Variants in PDCD6 observed in about 807,000 individuals in gnomAD.
PDCD6 encodes the protein programmed cell death protein 6.
Under a neutral mutation model 28.3 loss-of-function variants are expected in PDCD6, and 12 were observed. The observed-to-expected ratio is 0.42, with a 90% CI of 0.27 to 0.69. PDCD6 has a LOEUF of 0.69. Among genes scored for constraint, PDCD6 ranks in the 30% least tolerant of loss-of-function variants. PDCD6 has a pLI of 0.22. For missense variants in PDCD6, 226 were observed against 269.9 expected (o/e 0.84, Z 1.14); for synonymous variants, 92 against 108.0 (o/e 0.85, Z 0.92).
At chr5:277,534 C>T (rs1483791960) in intron 2 of PDCD6, among the ~76,000 whole-genome samples, 3 of 151,894 alleles carry the variant, frequency 2.0e-5, no homozygotes. Context: ...ATCTTATGAC[C>T]TCATGATCCA....
chr5:303,059 A>C (rs1040288057), intron 2 of PDCD6, among the ~76,000 whole-genome samples: 31 of 152,256 alleles, frequency 2.0e-4, no homozygotes, highest in African/African-American at 7.2e-4. Flanking sequence ...AGTCTCCCTG[A>C]GGAAGGAAAG....
chr5:289,934 C>T (rs558081337), intron 2 of PDCD6: 2 of 1,523,920 alleles, frequency 1.3e-6, no homozygotes, highest in Middle Eastern at 2.3e-4. Context: ...CAGCTAACAA[C>T]CATCACATCC....
chr5:278,361 C>T (rs1289492256), intron 2 of PDCD6, among the ~76,000 whole-genome samples: 1 of 151,724 alleles, frequency 6.6e-6, no homozygotes, highest in Non-Finnish European at 1.5e-5. Flanking sequence ...CTAGGGAAGA[C>T]AGAAAGAAAA....
intron 2 of PDCD6, among the ~76,000 whole-genome samples, chr5:288,472 C>G (rs1022618075): frequency 1.6e-4 from 24 of 151,310 alleles, no homozygotes; most frequent in Non-Finnish European, 2.7e-4. Context: ...CAAAAACCTT[C>G]TTTCATATGT....
At chr5:289,342 C>A in intron 2 of PDCD6, 1 of 553,222 alleles carries the variant, frequency 1.8e-6, no homozygotes, top group Non-Finnish European at 3.3e-6. Context: ...AATTCTTTCA[C>A]GAAAGCAATG....
At chr5:299,262 C>T (rs1168540956) in intron 2 of PDCD6, among the ~76,000 whole-genome samples, 1 of 104,546 alleles carries the variant, frequency 9.6e-6, no homozygotes, top group African/African-American at 4.2e-5. Flanking sequence ...TGTTCCCCCC[C>T]AGCTGTTCTC....
At chr5:300,866 G>C (rs1405924246) in intron 2 of PDCD6, among the ~76,000 whole-genome samples, 1 of 152,122 alleles carries the variant, frequency 6.6e-6, no homozygotes, top group South Asian at 2.1e-4. Flanking sequence ...GCAATCCTTA[G>C]AATACTCCAG....
At chr5:288,311 T>TATATAGAC (rs34574011) in intron 2 of PDCD6, among the ~76,000 whole-genome samples, 3 of 144,964 alleles carry the variant, frequency 2.1e-5, no homozygotes, top group Admixed American at 6.9e-5. Flanking sequence ...TATATATATA[T>TATATAGAC]ACACATATGT....
chr5:299,401 C>T (rs1376596197), intron 2 of PDCD6, among the ~76,000 whole-genome samples: 1 of 149,918 alleles, frequency 6.7e-6, no homozygotes, highest in African/African-American at 2.5e-5. Flanking sequence ...GTGATCAGCC[C>T]ATCGGTTTCA....
At chr5:299,631 G>C (rs951130089) in intron 2 of PDCD6, among the ~76,000 whole-genome samples, 22 of 151,578 alleles carry the variant, frequency 1.5e-4, no homozygotes, top group Non-Finnish European at 2.4e-4. Flanking sequence ...CTCACTGCAA[G>C]CTCCACCTCC....
intron 2 of PDCD6, among the ~76,000 whole-genome samples, chr5:286,573 T>C (rs1346678493): frequency 6.6e-6 from 1 of 152,058 alleles, no homozygotes; most frequent in African/African-American, 2.4e-5. Flanking sequence ...GGGGAGCTGA[T>C]GTTCCCTTTA....
intron 2 of PDCD6, among the ~76,000 whole-genome samples, chr5:284,871 C>CGGG (rs1738841590): frequency 6.9e-6 from 1 of 145,606 alleles, no homozygotes. Context: ...GCTGGAGACC[C>CGGG]CGCGGGAAGC....
chr5:271,698 A>C lies in PDCD6; in HGVS notation c.-23A>C. The C allele has an allele frequency of 4.9e-6, 7 of 1,438,884 alleles. No homozygotes were observed. Among genetic ancestry groups the C allele is most frequent in the Non-Finnish European group, 6.6e-6 (7 of 1,057,770 alleles). The allele number at this position is 1,438,884 out of a possible 1,614,324, so 89.1% of individuals were successfully genotyped here. On this transcript the variant is annotated 5_prime_UTR_variant, in exon 1 of 6. Coordinates refer to ENST00000264933, the MANE Select transcript of PDCD6 (RefSeq NM_013232.4). ...GGTCTCTCGTCGCTGCAGGCGCCTC[A>C]GCCCAGCCGCGTGCCTTGGCCCATG... is the stretch of plus-strand genomic sequence containing the variant.
At chr5:284,504 C>T (rs1263854960) in intron 2 of PDCD6, among the ~76,000 whole-genome samples, 3 of 151,974 alleles carry the variant, frequency 2.0e-5, no homozygotes, top group Admixed American at 6.5e-5. Flanking sequence ...GGTCATGCAA[C>T]TGGAGACCTG....
At chr5:306,284 C>A in intron 3 of PDCD6, 1 of 298,526 alleles carries the variant, frequency 3.3e-6, no homozygotes, top group Admixed American at 4.0e-5. Context: ...AAGCTCTGCT[C>A]TTCTTTCTGT....
At chr5:295,133 G>A (rs1739527717) in intron 2 of PDCD6, among the ~76,000 whole-genome samples, 1 of 152,156 alleles carries the variant, frequency 6.6e-6, no homozygotes, top group Non-Finnish European at 1.5e-5. Context: ...CACGCAGACT[G>A]AAGGAGGAAG....
At chr5:280,358 G>T (rs1480834081) in intron 2 of PDCD6, among the ~76,000 whole-genome samples, 3 of 151,922 alleles carry the variant, frequency 2.0e-5, no homozygotes, top group African/African-American at 4.8e-5. Flanking sequence ...GCTGTGCTGG[G>T]CACTGTGGGC....
At chr5:282,279 G>GC in intron 2 of PDCD6, among the ~76,000 whole-genome samples, 1 of 145,312 alleles carries the variant, frequency 6.9e-6, no homozygotes, top group East Asian at 2.2e-4. Flanking sequence ...AATCGGGGGG[G>GC]GGGGAGCTGA....
At chr5:273,505 T>A (rs1737975886) in intron 2 of PDCD6, 15 of 152,662 alleles carry the variant, frequency 9.8e-5, no homozygotes, top group Admixed American at 9.2e-4. Flanking sequence ...TCATCTTTTC[T>A]GATTCTGTGT....
Sources: gnomAD v4.1 joint callset for allele counts (sites outside exome capture counted in the v4.1 genomes callset) on GRCh38, gnomAD v4.1.1 for gene constraint, MANE v1.5 for transcripts, NCBI Gene and HGNC (gene_info 2026-07-23, HGNC 2026-07-21) for gene names.